MYRFL: variants seen among roughly 807,000 people sequenced by gnomAD.
MYRFL encodes myelin regulatory factor like, also known as myelin regulatory factor-like protein.
In MYRFL, 88 loss-of-function variants were observed where a neutral mutation model predicts 109.4. The observed-to-expected ratio is 0.80, with a 90% CI of 0.68 to 0.96. The LOEUF (loss-of-function observed/expected upper bound fraction) is 0.96. Among genes scored for constraint, MYRFL ranks in the 40% least tolerant of loss-of-function variants. The pLI, the probability that MYRFL is intolerant of heterozygous loss-of-function variation, is 0.00. For synonymous variants in MYRFL, 324 were observed against 320.9 expected (o/e 1.01, Z -0.10); for missense variants, 957 against 954.9 (o/e 1.00, Z -0.03).
At chr12:69,955,912 T>G (rs1956083452) in intron 22 of MYRFL, among the ~76,000 whole-genome samples, 1 of 152,024 alleles carries the variant, frequency 6.6e-6, no homozygotes, top group Non-Finnish European at 1.5e-5. Context: ...TTCTGTCACT[T>G]ACTAATTCTG....
intron 16 of MYRFL, among the ~76,000 whole-genome samples, chr12:69,934,804 T>C (rs1422911595): frequency 6.6e-6 from 1 of 152,086 alleles, no homozygotes; most frequent in Non-Finnish European, 1.5e-5. Flanking sequence ...AGGCACAGGA[T>C]AGGGGCACGG....
At chr12:69,855,723 T>A (rs1040577012) in intron 2 of MYRFL, among the ~76,000 whole-genome samples, 1 of 152,214 alleles carries the variant, frequency 6.6e-6, no homozygotes, top group Non-Finnish European at 1.5e-5. Context: ...ACTTATACTT[T>A]TAATGTCTGT....
chr12:69,878,790 T>C (rs1336852120), intron 2 of MYRFL, among the ~76,000 whole-genome samples: 1 of 152,066 alleles, frequency 6.6e-6, no homozygotes, highest in African/African-American at 2.4e-5. Context: ...TACGTACTTA[T>C]TCATGGATAC....
intron 20 of MYRFL, among the ~76,000 whole-genome samples, 182 bp downstream of exon 20, chr12:69,952,357 G>C (rs1008426372): frequency 2.6e-5 from 4 of 152,122 alleles, no homozygotes; most frequent in Non-Finnish European, 5.9e-5. Context: ...CATTAGAAAT[G>C]GTCACTCACT....
chr12:69,919,030 T>C (rs1954828543), intron 13 of MYRFL, among the ~76,000 whole-genome samples: 1 of 152,218 alleles, frequency 6.6e-6, no homozygotes, highest in African/African-American at 2.4e-5. Flanking sequence ...TAGAAGATAT[T>C]CTCTATGAGG....
chr12:69,937,576 G>A (rs1016651451), intron 19 of MYRFL, among the ~76,000 whole-genome samples: 11 of 152,282 alleles, frequency 7.2e-5, no homozygotes, highest in South Asian at 2.1e-4. Context: ...ATTATGTTCC[G>A]ACTCTTAAAG....
chr12:69,926,932 G>GTTTTTT (rs1336716063), intron 14 of MYRFL, among the ~76,000 whole-genome samples, 198 bp downstream of exon 14: 1,742 of 76,814 alleles, frequency 0.023, 612 homozygotes, highest in Non-Finnish European at 0.034. Flanking sequence ...TTCTGTTGCT[G>GTTTTTT]GTTTTTTTTT....
intron 2 of MYRFL, among the ~76,000 whole-genome samples, chr12:69,855,713 A>G (rs1430265792): frequency 6.6e-6 from 1 of 151,532 alleles, no homozygotes; most frequent in Non-Finnish European, 1.5e-5. Flanking sequence ...CTTCGTATTC[A>G]CTTATACTTT....
chr12:69,958,418 C>CA, intron 24 of MYRFL, 27 bp from the exon 25 acceptor site: 1 of 1,208,674 alleles, frequency 8.3e-7, no homozygotes, highest in Non-Finnish European at 1.1e-6. Flanking sequence ...ATTAATCTTC[C>CA]TTTTTTTTTT....
At chr12:69,945,972 G>A (rs1487513716) in intron 19 of MYRFL, among the ~76,000 whole-genome samples, 2 of 86,462 alleles carry the variant, frequency 2.3e-5, no homozygotes, top group Non-Finnish European at 4.4e-5. Context: ...GGGCGACAGA[G>A]CGAGACTCCG....
chr12:69,952,869 T>C lies in MYRFL; in HGVS notation c.2358T>C (p.Ile786=). The C allele has an allele frequency of 6.5e-7, 1 of 1,535,410 alleles. No individual in the cohort carries two copies. Among genetic ancestry groups the C allele is most frequent in the Non-Finnish European group, 8.7e-7 (1 of 1,146,402 alleles). The change falls in exon 21 of 25, where the codon ATT becomes ATC. Residue 786 remains isoleucine (I), a synonymous_variant. Coordinates refer to ENST00000552032, the MANE Select transcript of MYRFL (RefSeq NM_182530.3). ...IQQIIDHQYC[I]QSLQCGSGNY... is the part of the protein sequence containing the mutation. Reference sequence around the variant, plus strand: ...AAATAATAGATCATCAGTATTGCATTCAAAGCCTCCAGTGCGGGTAGGTAA... The same window carrying C: ...AAATAATAGATCATCAGTATTGCATCCAAAGCCTCCAGTGCGGGTAGGTAA...
At chr12:69,896,359 T>C (rs1329051547) in intron 9 of MYRFL, among the ~76,000 whole-genome samples, 1 of 152,190 alleles carries the variant, frequency 6.6e-6, no homozygotes, top group East Asian at 1.9e-4. Context: ...ACTGATTTAC[T>C]TTAGATGCAG....
At chr12:69,851,837 T>A (rs993551491) in intron 1 of MYRFL, among the ~76,000 whole-genome samples, 2 of 151,446 alleles carry the variant, frequency 1.3e-5, no homozygotes, top group African/African-American at 4.9e-5. Flanking sequence ...TTTGGGGGAG[T>A]TTTTTGTAGA....
intron 1 of MYRFL, among the ~76,000 whole-genome samples, chr12:69,834,933 T>C (rs1882846136): frequency 6.6e-6 from 1 of 152,200 alleles, no homozygotes; most frequent in African/African-American, 2.4e-5. Flanking sequence ...AAGATTTAGT[T>C]GGCATTCTTT....
chr12:69,925,972 C>G (rs922598769), intron 13 of MYRFL, among the ~76,000 whole-genome samples: 1 of 143,434 alleles, frequency 7.0e-6, no homozygotes, highest in African/African-American at 3.0e-5. Flanking sequence ...GAGAAAAGCC[C>G]AGGTCTTTGT....
intron 10 of MYRFL, among the ~76,000 whole-genome samples, chr12:69,901,893 G>T (rs76560884): frequency 0.3 from 41,144 of 137,638 alleles, 6,645 homozygotes; most frequent in African/African-American, 0.34. Context: ...GTTTTTTTTT[G>T]TTTTTTTTAA....
At chr12:69,906,519 T>C (rs938526430) in intron 11 of MYRFL, among the ~76,000 whole-genome samples, 3 of 152,074 alleles carry the variant, frequency 2.0e-5, no homozygotes, top group African/African-American at 7.3e-5. Flanking sequence ...TCAAATTCTG[T>C]GGTGAAGGCT....
intron 2 of MYRFL, among the ~76,000 whole-genome samples, chr12:69,871,158 T>C (rs1592731418): frequency 1.3e-5 from 2 of 151,144 alleles, no homozygotes; most frequent in South Asian, 4.2e-4. Flanking sequence ...TTACCAGCAA[T>C]CCCCCTGCTC....
chr12:69,831,296 G>A (rs189172760), intron 1 of MYRFL, among the ~76,000 whole-genome samples: 34 of 152,242 alleles, frequency 2.2e-4, no homozygotes, highest in Admixed American at 2.0e-3. Flanking sequence ...TGGCTGCTTT[G>A]ATGCTGTGAG....
Sources: allele counts gnomAD v4.1 joint callset (sites outside exome capture counted in the v4.1 genomes callset), GRCh38; gene constraint gnomAD v4.1.1; transcripts MANE v1.5; gene names NCBI Gene and HGNC (gene_info 2026-07-23, HGNC 2026-07-21).